STK3: variants seen among roughly 807,000 people sequenced by gnomAD.
STK3 encodes the protein serine/threonine-protein kinase 3.
STK3 carries 41 observed loss-of-function variants against 58.0 expected under a neutral mutation model. The observed-to-expected ratio is 0.71, with a 90% CI of 0.55 to 0.92. STK3 has a LOEUF of 0.92. STK3 is among the 40% of genes least tolerant of loss of function. The probability of loss-of-function intolerance (pLI) is 0.00; values close to 1 mark genes in which losing one functional copy is unlikely to be tolerated. For missense variants in STK3, 479 were observed against 602.7 expected, an observed-to-expected ratio of 0.79 and a Z score of 2.15; for synonymous variants, 170 against 191.0, an observed-to-expected ratio of 0.89 and a Z score of 0.91.
chr8:98,686,696 T>C (rs1400232570), intron 6 of STK3, among the ~76,000 whole-genome samples: 3 of 152,040 alleles, frequency 2.0e-5, no homozygotes, highest in Non-Finnish European at 2.9e-5. Context: ...AGAAAAATAA[T>C]CTAAGATTTG....
intron 4 of STK3, among the ~76,000 whole-genome samples, chr8:98,736,106 A>G (rs1332606226): frequency 6.6e-6 from 1 of 152,194 alleles, no homozygotes; most frequent in Non-Finnish European, 1.5e-5. Context: ...TAGTCAAAAT[A>G]AACATCATCA....
At chr8:98,713,047 C>T (rs1170380755) in intron 4 of STK3, among the ~76,000 whole-genome samples, 1 of 151,998 alleles carries the variant, frequency 6.6e-6, no homozygotes, top group Admixed American at 6.6e-5. Context: ...GGGTACATAA[C>T]GAAATGAAGG....
intron 1 of STK3, among the ~76,000 whole-genome samples, chr8:98,937,318 C>A (rs1026148719): frequency 1.3e-5 from 2 of 152,174 alleles, no homozygotes; most frequent in African/African-American, 4.8e-5. Context: ...TATCACCTGG[C>A]ATGAAGTGAA....
At chr8:98,663,286 G>A (rs993866977) in intron 6 of STK3, among the ~76,000 whole-genome samples, 4 of 152,092 alleles carry the variant, frequency 2.6e-5, no homozygotes, top group African/African-American at 7.2e-5. Flanking sequence ...ATCATCACTG[G>A]CCATCAGAGA....
At chr8:98,886,900 C>T (rs1172339664) in intron 1 of STK3, among the ~76,000 whole-genome samples, 1 of 152,038 alleles carries the variant, frequency 6.6e-6, no homozygotes, top group Non-Finnish European at 1.5e-5. Flanking sequence ...CAGTTTGAGA[C>T]CAGCCTGGCC....
chr8:98,456,820 A>G (rs1819525122), intron 10 of STK3, among the ~76,000 whole-genome samples: 1 of 152,236 alleles, frequency 6.6e-6, no homozygotes, highest in Non-Finnish European at 1.5e-5. Flanking sequence ...TCAAGCTAGG[A>G]AAAATACTCA....
At chr8:98,910,331 G>C (rs549592125) in intron 1 of STK3, among the ~76,000 whole-genome samples, 4 of 152,080 alleles carry the variant, frequency 2.6e-5, no homozygotes, top group Non-Finnish European at 5.9e-5. Context: ...AAGTTGTGTA[G>C]TAATAACCTC....
At chr8:98,810,314 T>C (rs557983032) in intron 1 of STK3, among the ~76,000 whole-genome samples, 2 of 152,286 alleles carry the variant, frequency 1.3e-5, no homozygotes, top group East Asian at 1.9e-4. Context: ...GGTAATTCTA[T>C]GTTTATAATT....
intron 10 of STK3, among the ~76,000 whole-genome samples, chr8:98,485,078 A>G (rs909536446): frequency 4.6e-5 from 7 of 152,098 alleles, no homozygotes; most frequent in African/African-American, 1.7e-4. Context: ...CATCTCTACT[A>G]AAAATACAAA....
intron 10 of STK3, among the ~76,000 whole-genome samples, chr8:98,512,744 T>C (rs993779965): frequency 6.6e-6 from 1 of 152,190 alleles, no homozygotes; most frequent in Non-Finnish European, 1.5e-5. Context: ...ATGTTAGACA[T>C]TGCTGTTCAA....
chr8:98,416,656 G>C (rs1186553727), intron 3 of STK3, among the ~76,000 whole-genome samples: 1 of 152,040 alleles, frequency 6.6e-6, no homozygotes, highest in Non-Finnish European at 1.5e-5. Flanking sequence ...AAAATACCTA[G>C]AGCCTCCGTC....
At chr8:98,750,405 A>G (rs906745596) in intron 3 of STK3, among the ~76,000 whole-genome samples, 1 of 151,990 alleles carries the variant, frequency 6.6e-6, no homozygotes, top group Non-Finnish European at 1.5e-5. Flanking sequence ...AATCAAAAAC[A>G]GTAGCCATTT....
chr8:98,566,049 A>G (rs1812455679), intron 8 of STK3, among the ~76,000 whole-genome samples: 1 of 152,168 alleles, frequency 6.6e-6, no homozygotes, highest in Admixed American at 6.5e-5. Context: ...TTAATTTTAG[A>G]AATCTGTACA....
At chr8:98,941,555 AGTCCGAGTGGGAGAGGCGCGCG>A (rs565204380) in intron 1 of STK3, among the ~76,000 whole-genome samples, 24 of 152,376 alleles carry the variant, frequency 1.6e-4, no homozygotes, top group Admixed American at 1.5e-3. Context: ...CGAGGATCCG[AGTCCGAGTGGGAGAGGCGCGCG>A]GTCCGAGTGG....
intron 1 of STK3, among the ~76,000 whole-genome samples, chr8:98,927,006 T>G (rs1012149567): frequency 6.6e-6 from 1 of 151,886 alleles, no homozygotes; most frequent in African/African-American, 2.4e-5. Context: ...CAAAATGAAG[T>G]TTATAGTGTG....
chr8:98,721,668 T>TA (rs1051043347), intron 4 of STK3, among the ~76,000 whole-genome samples: 4 of 150,880 alleles, frequency 2.7e-5, no homozygotes, highest in South Asian at 4.2e-4. Flanking sequence ...TTCACAAAAC[T>TA]AAAAAAAAGA....
At chr8:98,680,649 T>C (rs1028511836) in intron 6 of STK3, among the ~76,000 whole-genome samples, 1 of 152,190 alleles carries the variant, frequency 6.6e-6, no homozygotes, top group Non-Finnish European at 1.5e-5. Context: ...TACTAGAAAG[T>C]AGAATGTAGC....
At chr8:98,510,832 G>GTAAA (rs1824457804) in intron 10 of STK3, among the ~76,000 whole-genome samples, 1 of 151,976 alleles carries the variant, frequency 6.6e-6, no homozygotes, top group Admixed American at 6.6e-5. Flanking sequence ...GGTAAAATAG[G>GTAAA]ATACCCTGTG....
In STK3 at chr8:98,383,707, G is replaced by A. The variant is rs147569033; in HGVS notation, n.56+4485C>T. ...CAGCAGTTTAAAAATTCTGTACCAC[G>A]TAGTTGTACCATGTTGTGCTCTGTG... On this transcript the variant is annotated intron_variant and non_coding_transcript_variant, in intron 1 of 2. Coordinates refer to the STK3 transcript ENST00000518704. Among the ~76,000 whole-genome samples the A allele has an allele frequency of 2.5e-3, 374 of 152,352 alleles. 3 individuals carry two copies. Among genetic ancestry groups the A allele is most frequent in the African/African-American group, 8.6e-3 (357 of 41,584 alleles).
Sources: allele counts gnomAD v4.1 joint callset (sites outside exome capture counted in the v4.1 genomes callset), GRCh38; gene constraint gnomAD v4.1.1; transcripts MANE v1.5; gene names NCBI Gene and HGNC (gene_info 2026-07-23, HGNC 2026-07-21).